The following DCAF1 variants were observed in gnomAD, a reference collection of about 807,000 sequenced individuals.
DCAF1 encodes the protein DDB1- and CUL4-associated factor 1.
In DCAF1, 15 loss-of-function variants were observed where a neutral mutation model predicts 128.0. The ratio of observed to expected loss-of-function variants is 0.12; its 90% confidence interval spans 0.08 to 0.18. The LOEUF is 0.18. DCAF1 is among the 10% of genes least tolerant of loss of function. The pLI, the probability that DCAF1 is intolerant of heterozygous loss-of-function variation, is 1.00. For synonymous variants in DCAF1, 610 were observed against 603.0 expected (o/e 1.01, Z -0.17); for missense variants, 988 against 1,649.5 (o/e 0.60, Z 6.95).
At chr3:51,494,497 C>A (rs1708025009) in intron 2 of DCAF1, among the ~76,000 whole-genome samples, 1 of 152,092 alleles carries the variant, frequency 6.6e-6, no homozygotes, top group African/African-American at 2.4e-5. Flanking sequence ...ACAAACGCCA[C>A]TGATTTGTAC....
At chr3:51,423,278 G>T (rs1217610280) in intron 13 of DCAF1, among the ~76,000 whole-genome samples, 2 of 151,900 alleles carry the variant, frequency 1.3e-5, no homozygotes, top group Non-Finnish European at 2.9e-5. Context: ...GATTGCCTGA[G>T]CTCAGGAGTT....
intron 23 of DCAF1, 128 bp downstream of exon 23, chr3:51,412,251 A>G: frequency 7.5e-7 from 1 of 1,329,568 alleles, no homozygotes; most frequent in Middle Eastern, 1.9e-4. Context: ...AGGGTACATG[A>G]CAAGCCTTAT....
At chr3:51,426,458 C>T (rs1699918971) in intron 13 of DCAF1, among the ~76,000 whole-genome samples, 3 of 152,320 alleles carry the variant, frequency 2.0e-5, no homozygotes, top group African/African-American at 7.2e-5. Flanking sequence ...GATCTGCCCA[C>T]CTCGTCCTTC....
intron 6 of DCAF1, among the ~76,000 whole-genome samples, chr3:51,461,768 T>C (rs748631441): frequency 2.6e-5 from 4 of 152,088 alleles, no homozygotes; most frequent in Non-Finnish European, 5.9e-5. Flanking sequence ...TGTAGGGACA[T>C]GGATGAAACT....
intron 6 of DCAF1, among the ~76,000 whole-genome samples, chr3:51,454,200 GC>G (rs1171821530): frequency 6.6e-6 from 1 of 151,908 alleles, no homozygotes; most frequent in African/African-American, 2.4e-5. Flanking sequence ...GAGCTACCGT[GC>G]CCAGCTAATG....
intron 12 of DCAF1, among the ~76,000 whole-genome samples, 172 bp from the exon 13 acceptor site, chr3:51,427,713 G>GC (rs1700023376): frequency 6.6e-6 from 1 of 152,118 alleles, no homozygotes; most frequent in African/African-American, 2.4e-5. Context: ...GCTCACTGTA[G>GC]CCTCAATCTC....
At chr3:51,412,109 T>TAAAA (rs782087400) in intron 23 of DCAF1, among the ~76,000 whole-genome samples, 2 of 29,452 alleles carry the variant, frequency 6.8e-5, no homozygotes, top group African/African-American at 2.8e-4. Context: ...AACTCCATTC[T>TAAAA]AAAAAAAAAA....
chr3:51,424,968 T>C (rs565377676), intron 13 of DCAF1, among the ~76,000 whole-genome samples: 1 of 152,316 alleles, frequency 6.6e-6, no homozygotes, highest in South Asian at 2.1e-4. Flanking sequence ...AACTATTCTC[T>C]GTGCCTTTCT....
intron 6 of DCAF1, among the ~76,000 whole-genome samples, chr3:51,453,680 C>T (rs894439691): frequency 6.6e-6 from 1 of 152,108 alleles, no homozygotes; most frequent in Non-Finnish European, 1.5e-5. Context: ...TGGCCGGGCA[C>T]AGTGGCTCAC....
chr3:51,415,634 C>A (rs1553630110), intron 18 of DCAF1, among the ~76,000 whole-genome samples: 1 of 152,142 alleles, frequency 6.6e-6, no homozygotes, highest in Non-Finnish European at 1.5e-5. Context: ...GTTACTCAGG[C>A]TGGAGTACAG....
rs2089328674 is a variant in DCAF1, at chr3:51,397,988, T to C, written c.*781A>G. 2 of 165,134 alleles carry C rather than the reference T, an allele frequency of 1.2e-5. No individual in the cohort carries two copies. The highest frequency in any genetic ancestry group is 2.9e-5 in the Non-Finnish European group (2 of 68,040). 10.2% of individuals were successfully genotyped at this position (165,134 alleles called of 1,614,324 possible). Reference sequence around the variant, plus strand: ...TGAAAAACTGAATCACAAAGAAAAATAGAGGGAGTGAACTTATATCCTAAG... The same window carrying C: ...TGAAAAACTGAATCACAAAGAAAAACAGAGGGAGTGAACTTATATCCTAAG... On this transcript the variant is annotated 3_prime_UTR_variant, in exon 25 of 25. Transcript: ENST00000684031.
rs186388640 is a variant in DCAF1, at chr3:51,436,540, T to C, written c.1129-3276A>G. 41 of 404,900 alleles carry C rather than the reference T, an allele frequency of 1.0e-4. No individual in the cohort carries two copies. In the East Asian group the frequency reaches 2.7e-3, roughly 27 times the overall value. The allele number at this position is 404,900 out of a possible 1,614,324, so 25.1% of individuals were successfully genotyped here. Reference sequence around the variant, plus strand: ...AAAGCTACCCTATGCTAGGATAGACTGTATACCAATAATTTTGAAATGAGT... The same window carrying C: ...AAAGCTACCCTATGCTAGGATAGACCGTATACCAATAATTTTGAAATGAGT... On this transcript the variant is annotated intron_variant, in intron 9 of 24. Transcript: ENST00000684031.
At chr3:51,412,549 T>C in intron 22 of DCAF1, 69 bp from the exon 23 acceptor site, 1 of 1,602,706 alleles carries the variant, frequency 6.2e-7, no homozygotes, top group South Asian at 1.1e-5. Flanking sequence ...GCCTCAGCCC[T>C]GACTGGTGCC....
intron 3 of DCAF1, among the ~76,000 whole-genome samples, chr3:51,479,213 G>C (rs1483935583): frequency 6.6e-6 from 1 of 152,144 alleles, no homozygotes; most frequent in Non-Finnish European, 1.5e-5. Flanking sequence ...AAAAGACATA[G>C]TCGTAGGCCA....
intron 13 of DCAF1, among the ~76,000 whole-genome samples, chr3:51,423,941 G>A (rs1699669897): frequency 6.6e-6 from 1 of 152,014 alleles, no homozygotes; most frequent in Admixed American, 6.6e-5. Context: ...CACCATATGT[G>A]TTAGAGTATA....
At chr3:51,417,167 C>T (rs1698953872) in intron 17 of DCAF1, among the ~76,000 whole-genome samples, 1 of 152,168 alleles carries the variant, frequency 6.6e-6, no homozygotes, top group Non-Finnish European at 1.5e-5. Context: ...CCTACAATCC[C>T]AGCACTTTGA....
chr3:51,445,275 T>C (rs1701745819), intron 6 of DCAF1, among the ~76,000 whole-genome samples: 2 of 152,228 alleles, frequency 1.3e-5, no homozygotes, highest in African/African-American at 4.8e-5. Context: ...AGAATTTTCT[T>C]GTTAAACTTT....
chr3:51,458,576 T>C (rs541552823), intron 6 of DCAF1, among the ~76,000 whole-genome samples: 117 of 152,250 alleles, frequency 7.7e-4, no homozygotes, highest in African/African-American at 2.6e-3. Flanking sequence ...AACAGACATC[T>C]ACAGAACTCT....
intron 17 of DCAF1, among the ~76,000 whole-genome samples, chr3:51,417,571 T>C (rs1280992982): frequency 1.3e-5 from 2 of 151,920 alleles, no homozygotes; most frequent in African/African-American, 4.8e-5. Flanking sequence ...ATATAAAATA[T>C]TAGCCAGGTG....
Sources: allele counts gnomAD v4.1 joint callset (sites outside exome capture counted in the v4.1 genomes callset), GRCh38; gene constraint gnomAD v4.1.1; transcripts MANE v1.5; gene names NCBI Gene and HGNC (gene_info 2026-07-23, HGNC 2026-07-21).